CACNA1E: variants seen among roughly 807,000 people sequenced by gnomAD.
CACNA1E encodes voltage-dependent R-type calcium channel subunit alpha-1E.
In CACNA1E, 40 loss-of-function variants were observed where a neutral mutation model predicts 259.2. The observed-to-expected ratio is 0.15, with a 90% CI of 0.12 to 0.20. The LOEUF (loss-of-function observed/expected upper bound fraction) is 0.20. Ranked by LOEUF, CACNA1E falls within the 10% of genes least tolerant of loss-of-function variation. The pLI is 1.00. For missense variants in CACNA1E, 1,874 were observed against 3,040.1 expected, an observed-to-expected ratio of 0.62 and a Z score of 9.02; for synonymous variants, 1,104 against 1,138.5, an observed-to-expected ratio of 0.97 and a Z score of 0.61.
intron 7 of CACNA1E, among the ~76,000 whole-genome samples, chr1:181,697,565 G>A (rs560672981): frequency 8.5e-5 from 13 of 152,262 alleles, no homozygotes; most frequent in African/African-American, 3.1e-4. Context: ...CAAACTATCC[G>A]TGTCGAAGAA....
intron 1 of CACNA1E, among the ~76,000 whole-genome samples, chr1:181,333,366 C>G (rs1651433058): frequency 1.3e-5 from 2 of 152,204 alleles, no homozygotes; most frequent in Admixed American, 6.5e-5. Context: ...TTACATACAT[C>G]AGGGTTGGCA....
chr1:181,531,301 G>A (rs1419401271), intron 3 of CACNA1E, among the ~76,000 whole-genome samples: 1 of 152,154 alleles, frequency 6.6e-6, no homozygotes, highest in Non-Finnish European at 1.5e-5. Context: ...GGCTTCCTAG[G>A]GGGATAGCCC....
chr1:181,378,708 A>T (rs542041296), intron 1 of CACNA1E, among the ~76,000 whole-genome samples: 1 of 152,240 alleles, frequency 6.6e-6, no homozygotes, highest in Non-Finnish European at 1.5e-5. Flanking sequence ...AATAGTGCCT[A>T]TTCTCAGTAG....
At chr1:181,421,536 T>C (rs56285334) in intron 2 of CACNA1E, among the ~76,000 whole-genome samples, 15,625 of 152,250 alleles carry the variant, frequency 0.1, 974 homozygotes, top group South Asian at 0.23. Flanking sequence ...TCTGCACTGT[T>C]GTCTATCTAA....
chr1:181,552,817 G>A (rs1406803966), intron 3 of CACNA1E, among the ~76,000 whole-genome samples: 2 of 152,022 alleles, frequency 1.3e-5, no homozygotes, highest in African/African-American at 2.4e-5. Context: ...GGATATTTTG[G>A]TGTTATTTCT....
chr1:181,452,095 T>C (rs1661192806), intron 2 of CACNA1E, among the ~76,000 whole-genome samples: 1 of 152,218 alleles, frequency 6.6e-6, no homozygotes, highest in Non-Finnish European at 1.5e-5. Context: ...CCCCTATGGT[T>C]AGGGCCGGAT....
chr1:181,798,914 G>T lies in CACNA1E; in HGVS notation c.*80G>T. The T allele has an allele frequency of 5.4e-6, 7 of 1,307,634 alleles. No homozygotes were observed. Among genetic ancestry groups the T allele is most frequent in the South Asian group, 5.3e-5 (3 of 57,060 alleles). 81.0% of individuals were successfully genotyped at this position (1,307,634 alleles called of 1,614,324 possible). ...AGAATTGGGAAGCCAGTGCGGCCCG[G>T]GGGGGAGGAAGAGGGAAAAGGAAGA... On this transcript the variant is annotated 3_prime_UTR_variant, in exon 48 of 48. Coordinates refer to ENST00000367573, the MANE Select transcript of CACNA1E (RefSeq NM_001205293.3). The surrounding 1 kb of genome is among the most constrained non-coding windows in gnomAD (Gnocchi z 4.2).
intron 1 of CACNA1E, among the ~76,000 whole-genome samples, chr1:181,487,829 G>A (rs1663977502): frequency 2.6e-5 from 4 of 152,288 alleles, no homozygotes; most frequent in Admixed American, 2.6e-4. Context: ...AGTGTGTCTG[G>A]CTTGGAGACT....
chr1:181,443,156 A>C (rs1237428525), intron 2 of CACNA1E, among the ~76,000 whole-genome samples: 1 of 152,258 alleles, frequency 6.6e-6, no homozygotes, highest in African/African-American at 2.4e-5. Context: ...CTTTCTCTGC[A>C]AACTATGGGA....
Position 181,763,314 on chromosome 1 carries a change from C to T in CACNA1E, c.4690-92C>T, listed in dbSNP as rs552968402. 3.0e-5 allele frequency: 31 copies of T among 1,050,394 alleles called. 1 individual carries two copies. Among genetic ancestry groups the T allele is most frequent in the South Asian group, 1.7e-4 (10 of 58,694 alleles). 65.1% of individuals were successfully genotyped at this position (1,050,394 alleles called of 1,614,324 possible). A position where few individuals can be genotyped will look rare whatever the true frequency, so the allele number is the denominator to read the frequency against. On this transcript the variant is annotated intron_variant, in intron 33 of 47. Transcript: ENST00000367573. Reference sequence around the variant, plus strand: ...AAGACAGAGACTGTGTCCCATTTATCGGAATGAGGGATAAATACACAAATA... The same window carrying T: ...AAGACAGAGACTGTGTCCCATTTATTGGAATGAGGGATAAATACACAAATA...
chr1:181,711,899 A>G (rs1274790752), intron 8 of CACNA1E, among the ~76,000 whole-genome samples: 1 of 152,178 alleles, frequency 6.6e-6, no homozygotes, highest in Non-Finnish European at 1.5e-5. Flanking sequence ...TCTGAGTGAC[A>G]CAAGAACCAT....
intron 6 of CACNA1E, among the ~76,000 whole-genome samples, chr1:181,582,337 T>G (rs1651623801): frequency 6.6e-6 from 1 of 152,044 alleles, no homozygotes. Flanking sequence ...GGTTGATGAG[T>G]GCAGTCACTC....
intron 1 of CACNA1E, among the ~76,000 whole-genome samples, chr1:181,337,175 A>G (rs1210589224): frequency 2.2e-5 from 3 of 137,224 alleles, no homozygotes; most frequent in African/African-American, 8.2e-5. Context: ...TTTTTTTTTG[A>G]GATGGAGTCT....
Position 181,800,487 on chromosome 1 carries a change from T to A in CACNA1E, c.*1653T>A, listed in dbSNP as rs1662192967. 1 of 152,648 alleles carries A rather than the reference T, an allele frequency of 6.6e-6. No individual in the cohort carries two copies. The highest frequency in any genetic ancestry group is 2.4e-5 in the African/African-American group (1 of 41,476). 9.5% of individuals were successfully genotyped at this position (152,648 alleles called of 1,614,324 possible). ...TGGAGGGGACACATCACTGGCTTTATCTGGTGGAAATGTACCTTTCCCTTA... is the reference window on the plus strand; with the variant it reads ...TGGAGGGGACACATCACTGGCTTTAACTGGTGGAAATGTACCTTTCCCTTA... On this transcript the variant is annotated 3_prime_UTR_variant, in exon 48 of 48. Transcript: ENST00000367573.
Position 181,720,864 on chromosome 1 carries a change from C to T in CACNA1E, c.1956+9C>T. ...TCATGACTGTGTTCCAGGTATGAGG[C>T]CAGCTGACGGTTCACAAGTGCTGCA... On this transcript the variant is annotated intron_variant, in intron 15 of 47. Coordinates refer to ENST00000367573, the MANE Select transcript of CACNA1E (RefSeq NM_001205293.3). 2 of 1,594,782 alleles carry T rather than the reference C, an allele frequency of 1.3e-6. No homozygotes were observed. The highest frequency in any genetic ancestry group is 1.1e-5 in the South Asian group (1 of 89,438).
intron 42 of CACNA1E, 85 bp downstream of exon 42, chr1:181,785,503 G>A (rs1010742150): frequency 1.6e-4 from 164 of 1,007,360 alleles, no homozygotes; most frequent in Non-Finnish European, 2.4e-4. Context: ...GGGGCATAGT[G>A]CCCGGCAAGG....
chr1:181,472,068 T>G (rs1485879671), intron 2 of CACNA1E, among the ~76,000 whole-genome samples: 1 of 152,174 alleles, frequency 6.6e-6, no homozygotes, highest in Non-Finnish European at 1.5e-5. Context: ...CACAATGGAT[T>G]TTTATTCTGC....
intron 2 of CACNA1E, among the ~76,000 whole-genome samples, chr1:181,421,065 T>C (rs189096051): frequency 6.2e-4 from 94 of 152,324 alleles, no homozygotes; most frequent in Middle Eastern, 6.8e-3. Context: ...TTGATAAGGT[T>C]AAGTTACCTG....
intron 2 of CACNA1E, among the ~76,000 whole-genome samples, chr1:181,439,080 T>C (rs1467262589): frequency 2.6e-5 from 4 of 152,362 alleles, no homozygotes; most frequent in African/African-American, 7.2e-5. Flanking sequence ...TTATGACTTA[T>C]ATGTTAAGTT....
Sources: gnomAD v4.1 joint callset for allele counts (sites outside exome capture counted in the v4.1 genomes callset) on GRCh38, gnomAD v4.1.1 for gene constraint, Gnocchi (gnomAD v3.1) non-coding constraint, MANE v1.5 for transcripts, NCBI Gene and HGNC (gene_info 2026-07-23, HGNC 2026-07-21) for gene names.